Variants in CCDC66 observed in about 807,000 individuals in gnomAD.
CCDC66 encodes the protein coiled-coil domain-containing protein 66.
In CCDC66, 133 loss-of-function variants were observed where a neutral mutation model predicts 128.3. The ratio of observed to expected loss-of-function variants is 1.04; its 90% confidence interval spans 0.90 to 1.20. The LOEUF is 1.20. Ranked by LOEUF, CCDC66 falls within the 50% of genes most tolerant of loss-of-function variation. The probability of loss-of-function intolerance (pLI) is 0.00; values close to 1 mark genes in which losing one functional copy is unlikely to be tolerated. For synonymous variants in CCDC66, 387 were observed against 357.0 expected (o/e 1.08, Z -0.95); for missense variants, 1,126 against 1,075.5 (o/e 1.05, Z -0.66).
chr3:56,621,410 TTGAA>T (rs1351433200), intron 17 of CCDC66, 118 bp from the exon 18 acceptor site: 7 of 628,202 alleles, frequency 1.1e-5, no homozygotes, highest in African/African-American at 9.2e-5. Context: ...GAAAAAATTT[TTGAA>T]TGACAAAATT....
At chr3:56,594,166 C>T in intron 10 of CCDC66, 138 bp downstream of exon 10, 1 of 730,760 alleles carries the variant, frequency 1.4e-6, no homozygotes, top group Non-Finnish European at 2.4e-6. Flanking sequence ...GAATCCAATC[C>T]CTACCACAAC....
At chr3:56,615,434 G>C in intron 12 of CCDC66, 162 bp downstream of exon 12, 2 of 681,348 alleles carry the variant, frequency 2.9e-6, no homozygotes, top group Non-Finnish European at 4.6e-6. Context: ...TGTAGACATG[G>C]AATCTCGCTT....
intron 10 of CCDC66, among the ~76,000 whole-genome samples, chr3:56,604,639 CAG>C: frequency 6.6e-6 from 1 of 151,618 alleles, no homozygotes. Context: ...AGAGTTTCTG[CAG>C]AGAGATCCGC....
Position 56,563,904 on chromosome 3 carries a change from A to C in CCDC66, c.323A>C (p.Gln108Pro). ...QCIDKDCLHIQKEISPATPNM... is the reference protein window; with the variant it reads ...QCIDKDCLHIPKEISPATPNM... ...ATAGATAAAGACTGTCTTCATATCC[A>C]GAAAGAGATTTCACCTGCAACCCCT... The change falls in exon 4 of 18, where the codon CAG becomes CCG. Residue 108 changes from glutamine (Q) to proline (P), a missense_variant. Gln to Pro is a moderately conservative substitution (Grantham distance 76). Transcript: ENST00000394672. The C allele has an allele frequency of 6.2e-7, 1 of 1,613,314 alleles. No individual in the cohort carries two copies. Among genetic ancestry groups the C allele is most frequent in the Non-Finnish European group, 8.5e-7 (1 of 1,179,414 alleles).
chr3:56,561,610 A>G (rs901199714), intron 3 of CCDC66, among the ~76,000 whole-genome samples: 6 of 152,122 alleles, frequency 3.9e-5, no homozygotes, highest in Admixed American at 3.9e-4. Flanking sequence ...TCCCTTCTGT[A>G]TTGATTGTTT....
chr3:56,616,932 G>T, intron 13 of CCDC66, 180 bp from the exon 14 acceptor site: 1 of 453,084 alleles, frequency 2.2e-6, no homozygotes, highest in Non-Finnish European at 3.8e-6. Flanking sequence ...TAGAGTGGTG[G>T]CTGCCAGTGG....
chr3:56,586,489 C>G (rs1202832061), intron 7 of CCDC66, among the ~76,000 whole-genome samples: 1 of 150,654 alleles, frequency 6.6e-6, no homozygotes, highest in Non-Finnish European at 1.5e-5. Flanking sequence ...TGAGATCACA[C>G]CACTGCACTC....
At chr3:56,619,225 T>C (rs762835625) in intron 15 of CCDC66, 46 bp from the exon 16 acceptor site, 4 of 1,377,160 alleles carry the variant, frequency 2.9e-6, no homozygotes, top group Non-Finnish European at 3.0e-6. Context: ...TAAAGAGATA[T>C]ACTTAATCTA....
At chr3:56,615,313 A>T (rs1578017996) in intron 12 of CCDC66, 41 bp downstream of exon 12, 2 of 1,549,322 alleles carry the variant, frequency 1.3e-6, no homozygotes, top group Middle Eastern at 1.7e-4. Context: ...TATTTTTAGA[A>T]GATGATTTTA....
At chr3:56,563,100 C>T (rs1245200157) in intron 3 of CCDC66, among the ~76,000 whole-genome samples, 3 of 152,146 alleles carry the variant, frequency 2.0e-5, no homozygotes, top group East Asian at 3.9e-4. Flanking sequence ...GTGGCTCACG[C>T]CTGTAATCCC....
intron 10 of CCDC66, among the ~76,000 whole-genome samples, chr3:56,601,156 G>T (rs2073095704): frequency 6.6e-6 from 1 of 152,042 alleles, no homozygotes. Flanking sequence ...TGTATAAGGT[G>T]TAAGGAAGGA....
Position 56,617,495 on chromosome 3 carries a change from G to GA in CCDC66, c.2234dup (p.Asn745LysfsTer2), listed in dbSNP as rs755632556. ...GCAGATGGAATTGCTTCATTTGGTA[G>GA]AAAAAAATAATCCTGGGCACCTCTC... On this transcript the variant is annotated frameshift_variant, in exon 14 of 18. Transcript: ENST00000394672. LOFTEE classifies it high-confidence loss of function. 1.2e-6 allele frequency: 2 copies of GA among 1,613,912 alleles called. No homozygotes were observed. Among genetic ancestry groups the GA allele is most frequent in the Non-Finnish European group, 1.7e-6 (2 of 1,179,952 alleles).
In CCDC66 at chr3:56,566,575, C is replaced by A; in HGVS notation, c.545-19C>A. ...ATGTAATTTAGTGTTAATTTTAAAA[C>A]ATGTATTTTACCTCCTAGGTCAATA... On this transcript the variant is annotated intron_variant, in intron 4 of 17. Coordinates refer to ENST00000394672, the MANE Select transcript of CCDC66 (RefSeq NM_001141947.3). The A allele has an allele frequency of 6.8e-7, 1 of 1,474,318 alleles. No homozygotes were observed. The highest frequency in any genetic ancestry group is 9.4e-7 in the Non-Finnish European group (1 of 1,059,852). The allele number at this position is 1,474,318 out of a possible 1,614,324, so 91.3% of individuals were successfully genotyped here.
chr3:56,581,390 C>T (rs546752991), intron 7 of CCDC66, among the ~76,000 whole-genome samples: 12 of 151,924 alleles, frequency 7.9e-5, no homozygotes, highest in South Asian at 2.1e-4. Context: ...TATTACCGAT[C>T]GTCTGAAGCC....
At chr3:56,586,316 C>G (rs1057006765) in intron 7 of CCDC66, among the ~76,000 whole-genome samples, 2 of 151,306 alleles carry the variant, frequency 1.3e-5, no homozygotes, top group Non-Finnish European at 2.9e-5. Flanking sequence ...ATCACGAGGT[C>G]AGGAAATCGA....
At chr3:56,593,888 G>A in intron 9 of CCDC66, 56 bp from the exon 10 acceptor site, 1 of 1,593,868 alleles carries the variant, frequency 6.3e-7, no homozygotes, top group Non-Finnish European at 8.6e-7. Context: ...AAATGATTTA[G>A]CTTGTTGAAT....
chr3:56,603,450 G>C lies in CCDC66; in HGVS notation c.1404+9422G>C, dbSNP rs141608527. On this transcript the variant is annotated intron_variant, in intron 10 of 17. Coordinates refer to ENST00000394672, the MANE Select transcript of CCDC66 (RefSeq NM_001141947.3). ...TGCTATAAATTTCCCTGTAAACACT[G>C]CTTTAAATGTGTCCCATAGATTTTG... Among the ~76,000 whole-genome samples, 297 of 152,112 alleles carry C rather than the reference G, an allele frequency of 2.0e-3. 5 individuals carry two copies. Among genetic ancestry groups the C allele is most frequent in the African/African-American group, 6.9e-3 (287 of 41,428 alleles).
intron 3 of CCDC66, chr3:56,561,194 G>C: frequency 2.2e-6 from 1 of 455,064 alleles, no homozygotes; most frequent in Admixed American, 2.4e-5. Context: ...CACAAATACA[G>C]TGGCCTTTAT....
In CCDC66 at chr3:56,564,068, A is replaced by G. The variant is rs1486479619; in HGVS notation, c.487A>G (p.Thr163Ala). 1 of 1,613,136 alleles carries G rather than the reference A, an allele frequency of 6.2e-7. No individual in the cohort carries two copies. Among genetic ancestry groups the G allele is most frequent in the Non-Finnish European group, 8.5e-7 (1 of 1,179,574 alleles). ...AGACCAACTACAACAGATTTTGATG[A>G]CTGTAAACCAAGGAAATAGATCTCT... ...TQDQLQQILM[T>A]VNQGNRSLSL... The change falls in exon 4 of 18, where the codon ACT (threonine) becomes GCT (alanine). Residue 163 changes from threonine (T) to alanine (A), a missense_variant. Coordinates refer to ENST00000394672, the MANE Select transcript of CCDC66 (RefSeq NM_001141947.3).
Sources: gnomAD v4.1 joint callset for allele counts (sites outside exome capture counted in the v4.1 genomes callset) on GRCh38, gnomAD v4.1.1 for gene constraint, MANE v1.5 for transcripts, NCBI Gene and HGNC (gene_info 2026-07-23, HGNC 2026-07-21) for gene names.